The following CFAP99 variants were observed in gnomAD, a reference collection of about 807,000 sequenced individuals.
CFAP99 encodes the protein cilia and flagella associated protein 99, also known as cilia- and flagella-associated protein 99.
CFAP99 carries 84 observed loss-of-function variants against 82.7 expected under a neutral mutation model. The observed-to-expected ratio is 1.02, with a 90% CI of 0.85 to 1.22. The LOEUF (loss-of-function observed/expected upper bound fraction) is 1.22, where lower values mean the gene tolerates loss of function less well. Among genes scored for constraint, CFAP99 ranks in the 50% most tolerant of loss-of-function variants. The pLI, the probability that CFAP99 is intolerant of heterozygous loss-of-function variation, is 0.00. For missense variants in CFAP99, 1,059 were observed against 983.5 expected, an observed-to-expected ratio of 1.08 and a Z score of -1.03; for synonymous variants, 456 against 429.5, an observed-to-expected ratio of 1.06 and a Z score of -0.76.
At chr4:2,449,581 C>A in intron 6 of CFAP99, 89 bp from the exon 7 acceptor site, 3 of 1,200,832 alleles carry the variant, frequency 2.5e-6, no homozygotes, top group Non-Finnish European at 3.5e-6. Flanking sequence ...CCTTCACCCA[C>A]ATCCACCAAG....
At chr4:2,457,033 A>G (rs1224084174) in intron 11 of CFAP99, among the ~76,000 whole-genome samples, 1 of 147,924 alleles carries the variant, frequency 6.8e-6, no homozygotes, top group Admixed American at 6.9e-5. Flanking sequence ...GCTCCCTGCA[A>G]CCTCAAACTC....
chr4:2,422,277 G>A (rs568807905), intron 1 of CFAP99, among the ~76,000 whole-genome samples: 3 of 152,244 alleles, frequency 2.0e-5, no homozygotes, highest in South Asian at 4.1e-4. Flanking sequence ...CAGAGGCCCC[G>A]CCCCAGGGAC....
At chr4:2,457,198 T>A (rs955144047) in intron 11 of CFAP99, among the ~76,000 whole-genome samples, 1 of 152,016 alleles carries the variant, frequency 6.6e-6, no homozygotes, top group Non-Finnish European at 1.5e-5. Flanking sequence ...CCCCCTCAGC[T>A]TCCCCACGCG....
At chr4:2,458,996 G>A in intron 12 of CFAP99, 111 bp from the exon 13 acceptor site, 2 of 1,445,466 alleles carry the variant, frequency 1.4e-6, no homozygotes, top group Non-Finnish European at 1.8e-6. Context: ...ACTCCCAGGT[G>A]GCCGCACTGA....
intron 11 of CFAP99, among the ~76,000 whole-genome samples, chr4:2,457,414 C>T (rs533543577): frequency 2.0e-5 from 3 of 151,640 alleles, no homozygotes; most frequent in South Asian, 2.1e-4. Context: ...GCGAGCTCAG[C>T]GAGCAGCCAG....
At chr4:2,462,958 G>A, downstream of CFAP99, 2 of 1,202,448 alleles carry the variant, frequency 1.7e-6, no homozygotes, top group Non-Finnish European at 2.1e-6. This position sits in a 1 kb window ranked among gnomAD's most constrained non-coding sequence, Gnocchi z 4.1. Context: ...CCGCTTGCGG[G>A]CCACCCCCTA....
Position 2,426,377 on chromosome 4 carries a change from G to A in CFAP99, c.-17-82G>A, listed in dbSNP as rs760740565. 6.4e-5 allele frequency: 55 copies of A among 858,552 alleles called. 1 individual carries two copies. Among genetic ancestry groups the A allele is most frequent in the Non-Finnish European group, 1.0e-4 (54 of 536,312 alleles). The allele number at this position is 858,552 out of a possible 1,614,324, so 53.2% of individuals were successfully genotyped here. A position where few individuals can be genotyped will look rare whatever the true frequency, so the allele number is the denominator to read the frequency against. On this transcript the variant is annotated intron_variant, in intron 1 of 14. Coordinates refer to ENST00000635017, the Ensembl canonical transcript of CFAP99. ...CCTGCTGCTACAGGCCCAACACCCT[G>A]GCAGACTCCTGTCGCTGCTGGGGAG...
At chr4:2,444,377 T>C (rs1048592598) in intron 5 of CFAP99, among the ~76,000 whole-genome samples, 1 of 152,162 alleles carries the variant, frequency 6.6e-6, no homozygotes, top group African/African-American at 2.4e-5. Context: ...CTGCCTCAAG[T>C]TGGGAGCACT....
At chr4:2,424,484 C>G (rs1264169029) in intron 1 of CFAP99, among the ~76,000 whole-genome samples, 2 of 152,190 alleles carry the variant, frequency 1.3e-5, no homozygotes, top group Non-Finnish European at 2.9e-5. Flanking sequence ...CAGCCCATGT[C>G]AGGCCTCAGG....
chr4:2,458,979 G>A (rs1734505829), intron 12 of CFAP99, 115 bp downstream of exon 12: 2 of 1,448,844 alleles, frequency 1.4e-6, no homozygotes, highest in Non-Finnish European at 1.8e-6. Flanking sequence ...GACCCCTTGA[G>A]GGAGGCACTC....
intron 3 of CFAP99, among the ~76,000 whole-genome samples, chr4:2,437,765 G>A (rs758547850): frequency 2.0e-5 from 3 of 152,216 alleles, no homozygotes; most frequent in Non-Finnish European, 4.4e-5. Flanking sequence ...TTGAGGTGAC[G>A]ATTCAGCTGC....
intron 1 of CFAP99, among the ~76,000 whole-genome samples, chr4:2,424,842 C>T (rs1280091042): frequency 3.9e-5 from 6 of 152,228 alleles, no homozygotes; most frequent in Admixed American, 3.9e-4. Flanking sequence ...TCTGAAATAT[C>T]ATGACTCATT....
At chr4:2,419,268 A>G (rs1733475676) in intron 1 of CFAP99, among the ~76,000 whole-genome samples, 175 bp downstream of exon 1, 1 of 150,758 alleles carries the variant, frequency 6.6e-6, no homozygotes, top group Non-Finnish European at 1.5e-5. Flanking sequence ...CACCACTATC[A>G]GCGGTGCGTT....
intron 1 of CFAP99, among the ~76,000 whole-genome samples, chr4:2,425,891 T>C (rs1043583547): frequency 2.0e-5 from 3 of 152,072 alleles, no homozygotes; most frequent in Non-Finnish European, 4.4e-5. Flanking sequence ...CCCAGGGCCC[T>C]GTTCCCCCAT....
At chr4:2,449,868 C>G (rs970350655) in intron 7 of CFAP99, 66 bp from the exon 8 acceptor site, 2 of 1,532,384 alleles carry the variant, frequency 1.3e-6, no homozygotes, top group East Asian at 4.9e-5. Context: ...GAAGTTCGTC[C>G]TCCCATGGCC....
At chr4:2,450,037 G>A (rs1468307058) in intron 8 of CFAP99, 32 bp downstream of exon 8, 13 of 1,530,934 alleles carry the variant, frequency 8.5e-6, no homozygotes, top group South Asian at 3.6e-5. Context: ...ACCCATCATC[G>A]AGGTGCCATC....
intron 2 of CFAP99, 145 bp downstream of exon 2, chr4:2,426,731 T>C (rs1422740528): frequency 2.2e-5 from 14 of 632,414 alleles, no homozygotes; most frequent in Non-Finnish European, 4.0e-5. Context: ...AGAGACCTGC[T>C]CTTCGTATGG....
In CFAP99 at chr4:2,434,637, C is replaced by T. The variant is rs551577147; in HGVS notation, c.112-2237C>T. On this transcript the variant is annotated intron_variant, in intron 2 of 14. Coordinates refer to ENST00000635017, the Ensembl canonical transcript of CFAP99. ...TGCAGGGAGCAGCTCCCCACCACAT[C>T]GGGTGGGACAGGCAGGGGCGAGCAG... 8.7e-4 allele frequency among the ~76,000 whole-genome samples: 132 copies of T among 152,314 alleles called. 1 individual carries two copies. Among genetic ancestry groups the T allele is most frequent in the Non-Finnish European group, 4.4e-4 (30 of 68,016 alleles).
At chr4:2,447,240 G>GGATGGATA (rs1560385553) in intron 6 of CFAP99, among the ~76,000 whole-genome samples, 1 of 150,632 alleles carries the variant, frequency 6.6e-6, no homozygotes, top group Non-Finnish European at 1.5e-5. Context: ...AAGGATAAGT[G>GGATGGATA]GATGGATAGA....
Sources: allele counts gnomAD v4.1 joint callset (sites outside exome capture counted in the v4.1 genomes callset), GRCh38; gene constraint gnomAD v4.1.1; non-coding constraint Gnocchi (gnomAD v3.1); transcripts MANE v1.5; gene names NCBI Gene and HGNC (gene_info 2026-07-23, HGNC 2026-07-21).